GLIPR1L1: variants seen among roughly 807,000 people sequenced by gnomAD.
GLIPR1L1 encodes the protein GLIPR1 like 1.
A neutral mutation model predicts 29.9 loss-of-function variants in GLIPR1L1; 26 were observed. That is an observed-to-expected ratio of 0.87 (90% CI 0.64 to 1.21). The LOEUF (loss-of-function observed/expected upper bound fraction) is 1.21, where lower values mean the gene tolerates loss of function less well. GLIPR1L1 is among the 50% of genes most tolerant of loss of function. The pLI is 0.00. For synonymous variants in GLIPR1L1, 77 were observed against 97.5 expected (o/e 0.79, Z 1.24); for missense variants, 305 against 290.3 (o/e 1.05, Z -0.37).
At chr12:75,358,626 T>C (rs918971195) in intron 3 of GLIPR1L1, among the ~76,000 whole-genome samples, 2 of 150,112 alleles carry the variant, frequency 1.3e-5, no homozygotes, top group African/African-American at 4.9e-5. Context: ...GTATGTAACA[T>C]ACCAGACAGT....
At chr12:75,367,855 A>G (rs1449639551) in intron 4 of GLIPR1L1, among the ~76,000 whole-genome samples, 1 of 152,152 alleles carries the variant, frequency 6.6e-6, no homozygotes, top group Non-Finnish European at 1.5e-5. Flanking sequence ...AGCTGTAACA[A>G]TAGACACACC....
chr12:75,370,333 T>C lies in GLIPR1L1; in HGVS notation c.*157T>C, dbSNP rs897816619. 9.4e-6 allele frequency: 5 copies of C among 529,760 alleles called. No individual in the cohort carries two copies. Among genetic ancestry groups the C allele is most frequent in the Admixed American group, 6.4e-5 (2 of 31,430 alleles). 32.8% of individuals were successfully genotyped at this position (529,760 alleles called of 1,614,324 possible). A position where few individuals can be genotyped will look rare whatever the true frequency, so the allele number is the denominator to read the frequency against. Reference sequence around the variant, plus strand: ...TGTTTTTAACTCAAAAAATGTACTGTAGTATGGAAAATGGATAGCAGTAGA... The same window carrying C: ...TGTTTTTAACTCAAAAAATGTACTGCAGTATGGAAAATGGATAGCAGTAGA... On this transcript the variant is annotated 3_prime_UTR_variant, in exon 6 of 6. Coordinates refer to ENST00000378695, the MANE Select transcript of GLIPR1L1 (RefSeq NM_001304964.2).
At chr12:75,340,693 G>T (rs2042042862) in intron 1 of GLIPR1L1, among the ~76,000 whole-genome samples, 1 of 144,154 alleles carries the variant, frequency 6.9e-6, no homozygotes, top group African/African-American at 2.6e-5. Context: ...ATTTAAGAAA[G>T]AACTCCTATC....
intron 4 of GLIPR1L1, chr12:75,369,524 G>A: frequency 3.1e-6 from 3 of 980,418 alleles, no homozygotes; most frequent in African/African-American, 1.7e-5. Flanking sequence ...GTAAACTGGG[G>A]AGGAAAGTTT....
At chr12:75,344,889 C>A (rs1254703446) in intron 2 of GLIPR1L1, among the ~76,000 whole-genome samples, 5 of 152,106 alleles carry the variant, frequency 3.3e-5, no homozygotes, top group Admixed American at 6.5e-5. Context: ...GATTCTTCTG[C>A]ACACTCTAAC....
chr12:75,358,161 AC>A (rs2043280129), intron 3 of GLIPR1L1, among the ~76,000 whole-genome samples: 1 of 151,808 alleles, frequency 6.6e-6, no homozygotes, highest in African/African-American at 2.4e-5. Flanking sequence ...TACAGATTTT[AC>A]AAATATTAAA....
intron 3 of GLIPR1L1, among the ~76,000 whole-genome samples, chr12:75,353,153 A>T (rs2042925473): frequency 6.6e-6 from 1 of 152,160 alleles, no homozygotes; most frequent in Non-Finnish European, 1.5e-5. Flanking sequence ...ATCAGAGTGA[A>T]ACTAAAGGTG....
intron 1 of GLIPR1L1, among the ~76,000 whole-genome samples, chr12:75,343,224 G>T (rs2042233464): frequency 6.6e-6 from 1 of 151,964 alleles, no homozygotes; most frequent in Non-Finnish European, 1.5e-5. Flanking sequence ...TTGAGGGAAA[G>T]TTTTAGTATT....
At chr12:75,365,485 A>T (rs969785655) in intron 4 of GLIPR1L1, among the ~76,000 whole-genome samples, 1 of 152,174 alleles carries the variant, frequency 6.6e-6, no homozygotes, top group African/African-American at 2.4e-5. Context: ...CTTCTTTTGC[A>T]TATAACTTTT....
At chr12:75,347,839 C>A in intron 3 of GLIPR1L1, 117 bp downstream of exon 3, 1 of 447,238 alleles carries the variant, frequency 2.2e-6, no homozygotes, top group South Asian at 4.4e-5. Flanking sequence ...ACTCCCTCTA[C>A]AATGCTAATC....
intron 1 of GLIPR1L1, among the ~76,000 whole-genome samples, chr12:75,342,175 GT>G (rs2042166651): frequency 6.6e-6 from 1 of 152,210 alleles, no homozygotes; most frequent in Non-Finnish European, 1.5e-5. Context: ...GATCCTTGTG[GT>G]GTTGAAACAG....
rs772652168 is a variant in GLIPR1L1, at chr12:75,334,920, C to T, written c.174+18C>T. On this transcript the variant is annotated intron_variant, in intron 1 of 5. Transcript: ENST00000378695. ...AATACATGGTGAGAAAGAACCAGGG[C>T]TGGGCTCTTAAATCCCTGACTCATC... 6 of 1,608,408 alleles carry T rather than the reference C, an allele frequency of 3.7e-6. No homozygotes were observed. The Admixed American group carries it at 5.0e-5, about 13-fold the overall frequency.
chr12:75,355,341 C>G (rs369243865), intron 3 of GLIPR1L1, among the ~76,000 whole-genome samples: 31 of 152,154 alleles, frequency 2.0e-4, no homozygotes, highest in African/African-American at 7.5e-4. Context: ...CAAAATAAGA[C>G]ATTTATGCAG....
In GLIPR1L1 at chr12:75,334,881, C is replaced by A. The variant is rs1370656902; in HGVS notation, c.153C>A (p.Pro51=). The part of the protein sequence containing the change: ...HNEWRGKVNP[P]AADMKYMIWD... ...AATGGCGTGGCAAAGTCAACCCTCC[C>A]GCGGCCGACATGAAATACATGGTGA... is the stretch of plus-strand genomic sequence containing the variant. Residue 51 remains proline (P), a synonymous_variant, in exon 1 of 6, where the codon CCC becomes CCA. Transcript: ENST00000378695. 2 of 1,614,016 alleles carry A rather than the reference C, an allele frequency of 1.2e-6. No homozygotes were observed. Among genetic ancestry groups the A allele is most frequent in the South Asian group, 2.2e-5 (2 of 91,072 alleles).
chr12:75,344,487 C>T (rs965677561), intron 2 of GLIPR1L1, among the ~76,000 whole-genome samples: 1 of 152,064 alleles, frequency 6.6e-6, no homozygotes, highest in African/African-American at 2.4e-5. Context: ...TTTACATCTT[C>T]AATGAATATA....
Position 75,366,593 on chromosome 12 carries a change from C to A in GLIPR1L1, c.611-3367C>A, listed in dbSNP as rs181432875. Among the ~76,000 whole-genome samples the A allele has an allele frequency of 1.2e-4, 18 of 152,070 alleles. 1 individual carries two copies. Among genetic ancestry groups the A allele is most frequent in the Admixed American group, 9.8e-4 (15 of 15,268 alleles). On this transcript the variant is annotated intron_variant, in intron 4 of 5. Transcript: ENST00000378695. ...GAGAGGCACCCTAAAACTAACACGG[C>A]ACCTCAAAGTGGATCATTCTTGTCT...
intron 2 of GLIPR1L1, among the ~76,000 whole-genome samples, chr12:75,345,942 A>G (rs2042415462): frequency 6.6e-6 from 1 of 152,216 alleles, no homozygotes; most frequent in African/African-American, 2.4e-5. Context: ...GTAATTAGGA[A>G]TGGTTATATT....
intron 1 of GLIPR1L1, among the ~76,000 whole-genome samples, chr12:75,338,832 ATAAG>A (rs57920594): frequency 0.3 from 45,300 of 151,854 alleles, 7,755 homozygotes; most frequent in East Asian, 0.44. Flanking sequence ...GCTCCCACTT[ATAAG>A]TGAGAACATG....
In GLIPR1L1 at chr12:75,370,188, T is replaced by C. The variant is rs559463316; in HGVS notation, c.*12T>C. On this transcript the variant is annotated 3_prime_UTR_variant, in exon 6 of 6. Transcript: ENST00000378695. The stretch of plus-strand genomic sequence containing the variant: ...TGAGAATCTTTTAATGTCATTTATA[T>C]ACAAAAGAAATTCTCAAATGTTAAA... 3.9e-6 allele frequency: 5 copies of C among 1,269,000 alleles called. No homozygotes were observed. The highest frequency in any genetic ancestry group is 3.4e-5 in the Admixed American group (2 of 58,666). 78.6% of individuals were successfully genotyped at this position (1,269,000 alleles called of 1,614,324 possible). A position where few individuals can be genotyped will look rare whatever the true frequency, so the allele number is the denominator to read the frequency against.
Sources: gnomAD v4.1 joint callset for allele counts (sites outside exome capture counted in the v4.1 genomes callset) on GRCh38, gnomAD v4.1.1 for gene constraint, MANE v1.5 for transcripts, NCBI Gene and HGNC (gene_info 2026-07-23, HGNC 2026-07-21) for gene names.